RABGAP1L: variants seen among roughly 807,000 people sequenced by gnomAD.
RABGAP1L encodes RAB GTPase activating protein 1 like, also known as rab GTPase-activating protein 1-like.
In RABGAP1L, 63 loss-of-function variants were observed where a neutral mutation model predicts 137.7. The observed-to-expected ratio is 0.46, with a 90% confidence interval of 0.37 to 0.56. RABGAP1L has a LOEUF of 0.56. Among genes scored for constraint, RABGAP1L ranks in the 20% least tolerant of loss-of-function variants. RABGAP1L has a pLI of 0.00. For synonymous variants in RABGAP1L, 431 were observed against 433.7 expected (o/e 0.99, Z 0.08); for missense variants, 1,095 against 1,244.0 (o/e 0.88, Z 1.80).
intron 13 of RABGAP1L, among the ~76,000 whole-genome samples, chr1:174,403,243 G>GTA (rs1164691391): frequency 1.6e-4 from 19 of 120,220 alleles, no homozygotes; most frequent in South Asian, 5.2e-4. Context: ...GTGTGTGTGT[G>GTA]TGTGTATATA....
chr1:174,201,652 T>C (rs1052045249), intron 1 of RABGAP1L, among the ~76,000 whole-genome samples: 11 of 152,176 alleles, frequency 7.2e-5, no homozygotes, highest in African/African-American at 2.7e-4. Context: ...GCTTTTTTTT[T>C]TCTTTTTTTT....
At chr1:174,709,726 C>A (rs1680333046) in intron 17 of RABGAP1L, among the ~76,000 whole-genome samples, 1 of 152,158 alleles carries the variant, frequency 6.6e-6, no homozygotes, top group Non-Finnish European at 1.5e-5. Context: ...GAGGAAAAGC[C>A]AGCGCAAAAA....
intron 19 of RABGAP1L, among the ~76,000 whole-genome samples, chr1:174,892,896 A>ATTTTTTTTTTT (rs748971722): frequency 3.9e-3 from 354 of 91,840 alleles, no homozygotes; most frequent in Middle Eastern, 0.016. Flanking sequence ...CACCCAGCTA[A>ATTTTTTTTTTT]TTTTTTTTTT....
chr1:174,712,793 C>T (rs1406900589), intron 17 of RABGAP1L, among the ~76,000 whole-genome samples: 1 of 152,206 alleles, frequency 6.6e-6, no homozygotes, highest in African/African-American at 2.4e-5. Context: ...ACTTACTCCT[C>T]CAACCTCCCC....
chr1:174,885,811 CA>C (rs1654999292), intron 19 of RABGAP1L, among the ~76,000 whole-genome samples: 3 of 151,930 alleles, frequency 2.0e-5, no homozygotes, highest in Admixed American at 2.0e-4. Context: ...ACTAAAAATA[CA>C]AAAAATTAGC....
intron 13 of RABGAP1L, among the ~76,000 whole-genome samples, chr1:174,526,061 G>T (rs1663846658): frequency 6.6e-6 from 1 of 152,018 alleles, no homozygotes; most frequent in South Asian, 2.1e-4. Context: ...ATACCCATTG[G>T]TCATTTGTAT....
chr1:174,855,713 G>C (rs1028595025), intron 19 of RABGAP1L, among the ~76,000 whole-genome samples: 1 of 152,278 alleles, frequency 6.6e-6, no homozygotes, highest in South Asian at 2.1e-4. Context: ...TTTTTGAAAA[G>C]AAAGTCTCAA....
chr1:174,802,023 A>T (rs575435092), intron 18 of RABGAP1L, among the ~76,000 whole-genome samples: 151 of 152,344 alleles, frequency 9.9e-4, no homozygotes, highest in Non-Finnish European at 1.6e-3. Flanking sequence ...TTTGAAGGAA[A>T]ACATAAATTG....
rs76088187 is a variant in RABGAP1L at position 174,875,870 on chromosome 1, A to G, written c.2340+63910A>G. On this transcript the variant is annotated intron_variant, in intron 19 of 25. Transcript: ENST00000681986. ...GCACTGTAGAACAAAAATGAAGTAA[A>G]AATGCTTTACTGACTCCAACAAGGG... Among the ~76,000 whole-genome samples, 16,568 of 152,220 alleles carry G rather than the reference A, an allele frequency of 0.11. 987 individuals are homozygous for G. The highest frequency in any genetic ancestry group is 0.22 in the East Asian group (1,141 of 5,168).
At chr1:174,296,508 A>C (rs774066373) in intron 10 of RABGAP1L, among the ~76,000 whole-genome samples, 19 of 152,228 alleles carry the variant, frequency 1.2e-4, no homozygotes, top group Non-Finnish European at 2.6e-4. Flanking sequence ...GCCAACATTT[A>C]TAGGAATTGC....
chr1:174,815,171 C>T (rs1690265777), intron 19 of RABGAP1L, among the ~76,000 whole-genome samples: 1 of 152,184 alleles, frequency 6.6e-6, no homozygotes, highest in African/African-American at 2.4e-5. Flanking sequence ...TGCCACAACC[C>T]ATGAGAGGCT....
chr1:174,217,240 A>G (rs769216262), intron 1 of RABGAP1L, among the ~76,000 whole-genome samples: 1 of 152,192 alleles, frequency 6.6e-6, no homozygotes, highest in Non-Finnish European at 1.5e-5. Flanking sequence ...AGGAGACATT[A>G]GGAATTCCAT....
intron 13 of RABGAP1L, among the ~76,000 whole-genome samples, chr1:174,605,516 T>A (rs12091110): frequency 0.016 from 2,428 of 152,266 alleles, 43 homozygotes; most frequent in African/African-American, 0.055. Context: ...CTTTTTTTTT[T>A]AATCTCCTAT....
At chr1:174,192,026 A>G (rs1190712523) in intron 1 of RABGAP1L, among the ~76,000 whole-genome samples, 3 of 152,176 alleles carry the variant, frequency 2.0e-5, no homozygotes, top group African/African-American at 7.2e-5. Context: ...GTTTTTTTCA[A>G]AGTGGTTAGA....
intron 13 of RABGAP1L, among the ~76,000 whole-genome samples, chr1:174,537,238 A>C (rs1207226899): frequency 6.6e-6 from 1 of 152,226 alleles, no homozygotes; most frequent in Non-Finnish European, 1.5e-5. Context: ...AGTTGCTATG[A>C]CAGTTCATAT....
intron 10 of RABGAP1L, among the ~76,000 whole-genome samples, chr1:174,297,546 C>T (rs1677239103): frequency 6.6e-6 from 1 of 152,166 alleles, no homozygotes; most frequent in South Asian, 2.1e-4. Context: ...CTGGCTGTCT[C>T]ATTCCCCTCT....
intron 24 of RABGAP1L, among the ~76,000 whole-genome samples, chr1:174,985,544 A>G (rs913333181): frequency 6.6e-6 from 1 of 152,238 alleles, no homozygotes; most frequent in African/African-American, 2.4e-5. Context: ...CTGTTAGACT[A>G]TACTACCTCC....
At chr1:174,423,451 A>G (rs1328298332) in intron 13 of RABGAP1L, among the ~76,000 whole-genome samples, 1 of 151,226 alleles carries the variant, frequency 6.6e-6, no homozygotes, top group East Asian at 1.9e-4. Context: ...TGTTCTGGAA[A>G]ATGTACTATG....
At chr1:174,308,844 T>G (rs753082149) in intron 11 of RABGAP1L, among the ~76,000 whole-genome samples, 1 of 152,126 alleles carries the variant, frequency 6.6e-6, no homozygotes, top group Non-Finnish European at 1.5e-5. Flanking sequence ...CAAGATTGCT[T>G]CACCTATTTG....
Sources: gnomAD v4.1 joint callset for allele counts (sites outside exome capture counted in the v4.1 genomes callset) on GRCh38, gnomAD v4.1.1 for gene constraint, MANE v1.5 for transcripts, NCBI Gene and HGNC (gene_info 2026-07-23, HGNC 2026-07-21) for gene names.